NSG1: variants seen among roughly 807,000 people sequenced by gnomAD.
NSG1 encodes the protein neuronal vesicle trafficking-associated protein 1.
A neutral mutation model predicts 19.3 loss-of-function variants in NSG1; 9 were observed. The ratio of observed to expected loss-of-function variants is 0.47; its 90% CI spans 0.28 to 0.81. The LOEUF (loss-of-function observed/expected upper bound fraction) is 0.81. NSG1 is among the 40% of genes least tolerant of loss of function. The pLI, the probability that NSG1 is intolerant of heterozygous loss-of-function variation, is 0.11. For synonymous variants in NSG1, 104 were observed against 107.0 expected (o/e 0.97, Z 0.17); for missense variants, 236 against 242.4 (o/e 0.97, Z 0.18).
intron 3 of NSG1, among the ~76,000 whole-genome samples, chr4:4,393,215 G>C (rs1723087361): frequency 6.6e-6 from 1 of 152,178 alleles, no homozygotes; most frequent in South Asian, 2.1e-4. Flanking sequence ...CGGCGTTTTA[G>C]GTCCCCACAG....
intron 3 of NSG1, among the ~76,000 whole-genome samples, chr4:4,398,480 GT>G (rs1723387347): frequency 6.6e-6 from 1 of 151,802 alleles, no homozygotes; most frequent in Non-Finnish European, 1.5e-5. Context: ...CCACAAATCT[GT>G]TTTGTGTCCC....
At chr4:4,408,059 C>A (rs1020233498) in intron 3 of NSG1, among the ~76,000 whole-genome samples, 1 of 152,144 alleles carries the variant, frequency 6.6e-6, no homozygotes, top group Non-Finnish European at 1.5e-5. Context: ...GCCTGGGACG[C>A]CCTTGGTCTC....
intron 3 of NSG1, among the ~76,000 whole-genome samples, chr4:4,407,984 G>A (rs902425199): frequency 6.6e-6 from 1 of 152,124 alleles, no homozygotes; most frequent in Non-Finnish European, 1.5e-5. Context: ...CGTCTCCCAG[G>A]TGACCATGCT....
rs1722761310 is a variant in NSG1, at chr4:4,387,191, C to CGCCTGGGCTTGCCGAG, written c.-27+22_-27+37dup. 1 of 156,210 alleles carries CGCCTGGGCTTGCCGAG rather than the reference C, an allele frequency of 6.4e-6. No individual in the cohort carries two copies. Among genetic ancestry groups the CGCCTGGGCTTGCCGAG allele is most frequent in the African/African-American group, 2.4e-5 (1 of 41,596 alleles). The allele number at this position is 156,210 out of a possible 1,614,324, so 9.7% of individuals were successfully genotyped here. A position where few individuals can be genotyped will look rare whatever the true frequency, so the allele number is the denominator to read the frequency against. ...GGGCGTGGGTGAGTGCGGCCGGCCG[C>CGCCTGGGCTTGCCGAG]GCCTGGGCTTGCCGAGGCCAGACCT... is the stretch of plus-strand genomic sequence containing the variant. On this transcript the variant is annotated intron_variant, in intron 1 of 4. Coordinates refer to ENST00000621129, the MANE Select transcript of NSG1 (RefSeq NM_014392.5).
chr4:4,416,561 G>C (rs1724557010), intron 4 of NSG1, among the ~76,000 whole-genome samples: 1 of 152,164 alleles, frequency 6.6e-6, no homozygotes, highest in South Asian at 2.1e-4. Context: ...GGCCCTGCCT[G>C]AACCACAGGG....
At chr4:4,414,782 C>T (rs1724425611) in intron 4 of NSG1, among the ~76,000 whole-genome samples, 1 of 152,106 alleles carries the variant, frequency 6.6e-6, no homozygotes, top group Non-Finnish European at 1.5e-5. Flanking sequence ...ACTATGTGCA[C>T]ACTGGACTCG....
At chr4:4,414,730 T>G (rs926919003) in intron 4 of NSG1, among the ~76,000 whole-genome samples, 3 of 152,162 alleles carry the variant, frequency 2.0e-5, no homozygotes, top group Admixed American at 2.0e-4. Flanking sequence ...GGTCACGCCC[T>G]TCAGTTCACT....
chr4:4,408,623 G>A (rs559170365), intron 3 of NSG1, among the ~76,000 whole-genome samples: 26 of 152,236 alleles, frequency 1.7e-4, no homozygotes, highest in South Asian at 4.1e-4. Flanking sequence ...CAACATGCCC[G>A]GCTAATTTTT....
intron 1 of NSG1, 43 bp from the exon 2 acceptor site, chr4:4,387,561 C>CCGGGGGGGGGGG: frequency 1.6e-5 from 18 of 1,141,954 alleles, no homozygotes; most frequent in African/African-American, 3.1e-5. Flanking sequence ...CGCCCCGCCC[C>CCGGGGGGGGGGG]GGGTCTTGCT....
At chr4:4,387,561 C>CGGGGGTTGGTGGG in intron 1 of NSG1, 43 bp from the exon 2 acceptor site, 1 of 1,141,992 alleles carries the variant, frequency 8.8e-7, no homozygotes, top group Non-Finnish European at 1.2e-6. Context: ...CGCCCCGCCC[C>CGGGGGTTGGTGGG]GGGTCTTGCT....
chr4:4,415,862 C>T (rs142702229), intron 4 of NSG1: 50 of 517,224 alleles, frequency 9.7e-5, no homozygotes, highest in African/African-American at 8.2e-4. Flanking sequence ...AGGGGCGTGG[C>T]GGTGAGGCTG....
intron 4 of NSG1, among the ~76,000 whole-genome samples, chr4:4,412,954 G>A (rs377435433): frequency 6.6e-6 from 1 of 152,110 alleles, no homozygotes; most frequent in East Asian, 1.9e-4. Context: ...GTCCTTACGC[G>A]ATTAGCAGGA....
At chr4:4,416,842 T>C (rs1418130628) in intron 4 of NSG1, among the ~76,000 whole-genome samples, 1 of 152,196 alleles carries the variant, frequency 6.6e-6, no homozygotes, top group East Asian at 1.9e-4. Flanking sequence ...AGAACCTAGC[T>C]CAAGGGAAGC....
chr4:4,402,185 G>C (rs1387325756), intron 3 of NSG1, among the ~76,000 whole-genome samples: 6 of 148,220 alleles, frequency 4.0e-5, no homozygotes. Flanking sequence ...ACAGCACCCA[G>C]CCTGGTTTCT....
intron 3 of NSG1, among the ~76,000 whole-genome samples, chr4:4,402,531 G>GCGTC (rs1723620446): frequency 6.6e-6 from 1 of 151,606 alleles, no homozygotes; most frequent in South Asian, 2.1e-4. Flanking sequence ...GGGACTACAG[G>GCGTC]CGTCCGCCAC....
intron 4 of NSG1, among the ~76,000 whole-genome samples, chr4:4,411,748 CAAAACAAAACA>C (rs1724195987): frequency 1.5e-5 from 1 of 65,818 alleles, no homozygotes; most frequent in South Asian, 3.9e-4. Context: ...CGTCTAAAAA[CAAAACAAAACA>C]AAACAAAACA....
intron 3 of NSG1, among the ~76,000 whole-genome samples, chr4:4,409,187 A>G (rs1201641666): frequency 6.6e-6 from 1 of 152,182 alleles, no homozygotes; most frequent in Non-Finnish European, 1.5e-5. Context: ...CTTGGCTGGT[A>G]GCTGATGCAC....
intron 2 of NSG1, among the ~76,000 whole-genome samples, chr4:4,391,018 G>A (rs1298973661): frequency 6.6e-6 from 1 of 152,096 alleles, no homozygotes; most frequent in Non-Finnish European, 1.5e-5. Flanking sequence ...TCTCCAGCCA[G>A]TCCTGGAGGG....
intron 3 of NSG1, among the ~76,000 whole-genome samples, chr4:4,397,039 CTGTG>C (rs61613589): frequency 1.6e-4 from 24 of 150,144 alleles, no homozygotes; most frequent in Admixed American, 1.1e-3. Context: ...GTTCAGTCAT[CTGTG>C]TGTGTGTGTG....
Sources: gnomAD v4.1 joint callset for allele counts (sites outside exome capture counted in the v4.1 genomes callset) on GRCh38, gnomAD v4.1.1 for gene constraint, MANE v1.5 for transcripts, NCBI Gene and HGNC (gene_info 2026-07-23, HGNC 2026-07-21) for gene names.